ERCC3: variants seen among roughly 807,000 people sequenced by gnomAD.
ERCC3 encodes the protein ERCC excision repair 3, TFIIH core complex helicase subunit, also known as general transcription and DNA repair factor IIH helicase/translocase subunit XPB.
A neutral mutation model predicts 94.2 loss-of-function variants in ERCC3; 66 were observed. The observed-to-expected ratio is 0.70, with a 90% CI of 0.57 to 0.86. The LOEUF (loss-of-function observed/expected upper bound fraction) is 0.86. ERCC3 is among the 40% of genes least tolerant of loss of function. ERCC3 has a pLI of 0.00. For missense variants in ERCC3, 829 were observed against 987.1 expected (o/e 0.84, Z 2.15); for synonymous variants, 349 against 369.1 (o/e 0.95, Z 0.63).
intron 10 of ERCC3, among the ~76,000 whole-genome samples, chr2:127,276,507 A>G (rs1217561359): frequency 6.6e-6 from 1 of 152,228 alleles, no homozygotes; most frequent in African/African-American, 2.4e-5. Flanking sequence ...CTATTCACAA[A>G]CAAAACAAGA....
At chr2:127,282,936 G>A (rs985605232) in intron 8 of ERCC3, among the ~76,000 whole-genome samples, 6 of 152,020 alleles carry the variant, frequency 3.9e-5, no homozygotes, top group Admixed American at 6.6e-5. Context: ...AAACATGAAC[G>A]TGTACCAAAC....
chr2:127,261,189 C>T, intron 13 of ERCC3, 39 bp downstream of exon 13: 1 of 1,230,298 alleles, frequency 8.1e-7, no homozygotes, highest in Non-Finnish European at 1.2e-6. Context: ...TCAAGAAGGC[C>T]TTGGTCCTAG....
At chr2:127,290,437 T>C in intron 3 of ERCC3, 164 bp from the exon 4 acceptor site, 1 of 693,946 alleles carries the variant, frequency 1.4e-6, no homozygotes, top group Non-Finnish European at 2.7e-6. Context: ...ACTGAGCTTT[T>C]TCCATTGGCC....
chr2:127,274,817 C>G lies in ERCC3; in HGVS notation c.1731-1856G>C, dbSNP rs1014157222. ...GAGCCCTCAGTTTCTAAAGGTTCCC[C>G]CACACAGATGAAATAGAAGGAAAAG... On this transcript the variant is annotated intron_variant, in intron 10 of 14. Coordinates refer to ENST00000285398, the MANE Select transcript of ERCC3 (RefSeq NM_000122.2). The surrounding 1 kb of genome is among the most constrained non-coding windows in gnomAD (Gnocchi z 4.0). Among the ~76,000 whole-genome samples, 1 of 152,110 alleles carries G rather than the reference C, an allele frequency of 6.6e-6. No homozygotes were observed. Among genetic ancestry groups the G allele is most frequent in the Non-Finnish European group, 1.5e-5 (1 of 68,022 alleles).
chr2:127,277,238 C>T lies in ERCC3; in HGVS notation c.1730+1935G>A, dbSNP rs1301320917. Among the ~76,000 whole-genome samples, 2 of 151,912 alleles carry T rather than the reference C, an allele frequency of 1.3e-5. No individual in the cohort carries two copies. The highest frequency in any genetic ancestry group is 4.8e-5 in the African/African-American group (2 of 41,250). ...GAATGGAGTGCTGGTGGGGATCCCA[C>T]TGGGGAAACAGAAAAACAGAACTGA... On this transcript the variant is annotated intron_variant, in intron 10 of 14. Transcript: ENST00000285398. The surrounding 1 kb of genome is among the most constrained non-coding windows in gnomAD (Gnocchi z 5.1).
chr2:127,287,787 G>A (rs542105748), intron 7 of ERCC3, among the ~76,000 whole-genome samples: 1 of 152,240 alleles, frequency 6.6e-6, no homozygotes, highest in African/African-American at 2.4e-5. Flanking sequence ...CAGCAAACGG[G>A]GCTGAGAATT....
In ERCC3 at chr2:127,286,836, G is replaced by A. The variant is rs773046382; in HGVS notation, c.1209C>T (p.Cys403=). The change falls in exon 8 of 15, where the codon TGC becomes TGT. Residue 403 remains cysteine (C), a synonymous_variant. Coordinates refer to ENST00000285398, the MANE Select transcript of ERCC3 (RefSeq NM_000122.2). ...TGGAGTAGGTGCTAATGGCAACGGA[G>A]CAGCCGATGGGCTTGTCCTTGGCAT... The part of the protein sequence containing the change: ...TSDAKDKPIG[C]SVAISTYSML... 2.5e-6 allele frequency: 4 copies of A among 1,614,166 alleles called. No homozygotes were observed. Among genetic ancestry groups the A allele is most frequent in the South Asian group, 1.1e-5 (1 of 91,090 alleles).
rs1271583071 is a variant in ERCC3 at position 127,291,353 on chromosome 2, G to A, written c.472-1080C>T. Among the ~76,000 whole-genome samples, 6 of 152,060 alleles carry A rather than the reference G, an allele frequency of 3.9e-5. No individual in the cohort carries two copies. Among genetic ancestry groups the A allele is most frequent in the South Asian group, 4.2e-4 (2 of 4,818 alleles). ...CAGCTCACTTCAACCTCTGCCGCCC[G>A]GGTTCAAGTGATTGTCCTGCCTCAG... On this transcript the variant is annotated intron_variant, in intron 3 of 14. Transcript: ENST00000285398. This position sits in a 1 kb window ranked among gnomAD's most constrained non-coding sequence, Gnocchi z 4.9.
Position 127,293,641 on chromosome 2 carries a change from C to T in ERCC3, c.106G>A (p.Glu36Lys). 1.2e-6 allele frequency: 2 copies of T among 1,614,182 alleles called. No homozygotes were observed. The highest frequency in any genetic ancestry group is 1.7e-6 in the Non-Finnish European group (2 of 1,180,038). The change falls in exon 2 of 15, where the codon GAA (glutamate) becomes AAA (lysine). Residue 36 changes from glutamate to lysine, a missense_variant. Transcript: ENST00000285398. Reference protein sequence around the residue: ...EEDAPGNDPQEAVPSAAGKQV... With the variant: ...EEDAPGNDPQKAVPSAAGKQV... ...TTCCCCGCCGCCGAGGGAACCGCTTCCTGAGGGTCGTTCCCCGGGGCGTCC... is the reference window on the plus strand; with the variant it reads ...TTCCCCGCCGCCGAGGGAACCGCTTTCTGAGGGTCGTTCCCCGGGGCGTCC...
At chr2:127,266,662 C>T (rs1477763740) in intron 12 of ERCC3, among the ~76,000 whole-genome samples, 7 of 150,312 alleles carry the variant, frequency 4.7e-5, no homozygotes, top group East Asian at 2.0e-4. Flanking sequence ...TTAATAAAGT[C>T]GAGCATAAAG....
In ERCC3 at chr2:127,293,565, T is replaced by C. The variant is rs758329360; in HGVS notation, c.182A>G (p.Tyr61Cys). The C allele has an allele frequency of 1.9e-6, 3 of 1,614,222 alleles. No individual in the cohort carries two copies. The South Asian group carries it at 3.3e-5, about 18-fold the overall frequency. Reference protein sequence around the residue: ...TKVDEYGAKDYRLQMPLKDDH... With the variant: ...TKVDEYGAKDCRLQMPLKDDH... ...GTCCTTCAGCGGCATTTGCAGCCTG[T>C]AGTCCTTGGCTCCATATTCATCCAC... The change falls in exon 2 of 15, where the codon TAC (tyrosine) becomes TGC (cysteine). Residue 61 changes from tyrosine to cysteine, a missense_variant. Transcript: ENST00000285398.
chr2:127,257,334 A>G lies in ERCC3; in HGVS notation c.*262T>C. On this transcript the variant is annotated 3_prime_UTR_variant, in exon 15 of 15. Coordinates refer to ENST00000285398, the MANE Select transcript of ERCC3 (RefSeq NM_000122.2). The surrounding 1 kb of genome is among the most constrained non-coding windows in gnomAD (Gnocchi z 5.4). ...CTGTTTATTCAGAACGGTAACATAA[A>G]TACACCTTAAATATTAACATTTTTT... is the stretch of plus-strand genomic sequence containing the variant. 3.8e-6 allele frequency: 2 copies of G among 519,920 alleles called. No individual in the cohort carries two copies. The highest frequency in any genetic ancestry group is 3.6e-6 in the Non-Finnish European group (1 of 278,162). The allele number at this position is 519,920 out of a possible 1,614,324, so 32.2% of individuals were successfully genotyped here. A position where few individuals can be genotyped will look rare whatever the true frequency, so the allele number is the denominator to read the frequency against.
Position 127,279,092 on chromosome 2 carries a change from A to G in ERCC3, c.1730+81T>C, listed in dbSNP as rs1684826763. ...GAAGTTCCTGAGAGAAAAACAAAAA[A>G]ACAAAACAACAGCCACCTTCTGCAC... is the stretch of plus-strand genomic sequence containing the variant. On this transcript the variant is annotated intron_variant, in intron 10 of 14. Transcript: ENST00000285398. This position sits in a 1 kb window ranked among gnomAD's most constrained non-coding sequence, Gnocchi z 4.7. 2.0e-6 allele frequency: 2 copies of G among 979,626 alleles called. No individual in the cohort carries two copies. The highest frequency in any genetic ancestry group is 2.7e-5 in the South Asian group (2 of 74,482). 60.7% of individuals were successfully genotyped at this position (979,626 alleles called of 1,614,324 possible).
intron 8 of ERCC3, among the ~76,000 whole-genome samples, chr2:127,282,938 G>C (rs1684961899): frequency 6.6e-6 from 1 of 152,058 alleles, no homozygotes. Flanking sequence ...ACATGAACGT[G>C]TACCAAACAT....
chr2:127,261,978 A>G (rs1436773304), intron 12 of ERCC3: 1 of 153,250 alleles, frequency 6.5e-6, no homozygotes, highest in Non-Finnish European at 1.5e-5. Flanking sequence ...TTCCACTTCC[A>G]GGCATAAATC....
In ERCC3 at chr2:127,279,692, G is replaced by A. The variant is rs183730438; in HGVS notation, c.1528-317C>T. Among the ~76,000 whole-genome samples, 265 of 152,134 alleles carry A rather than the reference G, an allele frequency of 1.7e-3. No individual in the cohort carries two copies. The highest frequency in any genetic ancestry group is 5.9e-3 in the African/African-American group (245 of 41,510). On this transcript the variant is annotated intron_variant, in intron 9 of 14. Coordinates refer to ENST00000285398, the MANE Select transcript of ERCC3 (RefSeq NM_000122.2). This position sits in a 1 kb window ranked among gnomAD's most constrained non-coding sequence, Gnocchi z 4.7. ...CAGGAGAATCACTTGCCCAGGAGGC[G>A]GAGGTTGCAGTGAGCCAAGATCACG... is the stretch of plus-strand genomic sequence containing the variant.
rs903560811 is a variant in ERCC3 at position 127,286,872 on chromosome 2, C to T, written c.1173G>A (p.Arg391=). 1 of 1,614,182 alleles carries T rather than the reference C, an allele frequency of 6.2e-7. No individual in the cohort carries two copies. ...GCTTGTCCTTGGCATCGGAGGTGAA[C>T]CGGCAGATCTGGCTGTCGTCAATGG... The part of the protein sequence containing the change: ...WSTIDDSQIC[R]FTSDAKDKPI... The change falls in exon 8 of 15, where the codon CGG becomes CGA. Residue 391 remains arginine, a synonymous_variant. Coordinates refer to ENST00000285398, the MANE Select transcript of ERCC3 (RefSeq NM_000122.2).
chr2:127,285,192 G>A (rs904163893), intron 8 of ERCC3, among the ~76,000 whole-genome samples: 6 of 152,170 alleles, frequency 3.9e-5, no homozygotes, highest in Non-Finnish European at 8.8e-5. Flanking sequence ...TATAGTGACA[G>A]CAGTTCAGTA....
intron 6 of ERCC3, 82 bp from the exon 7 acceptor site, chr2:127,288,946 A>T: frequency 9.0e-7 from 1 of 1,106,210 alleles, no homozygotes. Context: ...TCCAATGGTC[A>T]AAAAAGTGGC....
Sources: gnomAD v4.1 joint callset for allele counts (sites outside exome capture counted in the v4.1 genomes callset) on GRCh38, gnomAD v4.1.1 for gene constraint, Gnocchi (gnomAD v3.1) non-coding constraint, MANE v1.5 for transcripts, NCBI Gene and HGNC (gene_info 2026-07-23, HGNC 2026-07-21) for gene names.